The following OPCML variants were observed in gnomAD, a reference collection of about 807,000 sequenced individuals.
OPCML encodes the protein opioid-binding protein/cell adhesion molecule.
Under a neutral mutation model 37.8 loss-of-function variants are expected in OPCML, and 13 were observed. The ratio of observed to expected loss-of-function variants is 0.34; its 90% CI spans 0.22 to 0.55. The LOEUF (loss-of-function observed/expected upper bound fraction) is 0.55, where lower values mean the gene tolerates loss of function less well. Ranked by LOEUF, OPCML falls within the 20% of genes least tolerant of loss-of-function variation. The pLI is 0.91. For synonymous variants in OPCML, 176 were observed against 168.8 expected (o/e 1.04, Z -0.33); for missense variants, 341 against 435.6 (o/e 0.78, Z 1.93).
At chr11:133,283,749 G>GC (rs1942224187) in intron 1 of OPCML, among the ~76,000 whole-genome samples, 1 of 152,102 alleles carries the variant, frequency 6.6e-6, no homozygotes, top group Non-Finnish European at 1.5e-5. Context: ...GGGGGAATAG[G>GC]CCCCGGTATA....
chr11:133,240,722 C>T (rs887399902), intron 1 of OPCML, among the ~76,000 whole-genome samples: 1 of 152,218 alleles, frequency 6.6e-6, no homozygotes, highest in Non-Finnish European at 1.5e-5. Context: ...CAATCGCCTC[C>T]ATCATAAGTC....
intron 4 of OPCML, among the ~76,000 whole-genome samples, chr11:132,495,288 A>G (rs1186415935): frequency 1.3e-5 from 2 of 152,208 alleles, no homozygotes; most frequent in African/African-American, 4.8e-5. Flanking sequence ...AAACTGTAAT[A>G]AGACAACTAC....
At chr11:132,825,664 CTAAT>C (rs1940269577) in intron 2 of OPCML, among the ~76,000 whole-genome samples, 1 of 152,192 alleles carries the variant, frequency 6.6e-6, no homozygotes, top group Admixed American at 6.5e-5. Context: ...AAATACAACT[CTAAT>C]TAAACAAATT....
intron 1 of OPCML, among the ~76,000 whole-genome samples, chr11:133,252,390 C>T (rs921402285): frequency 2.0e-5 from 3 of 152,102 alleles, no homozygotes; most frequent in African/African-American, 7.2e-5. Context: ...TCACATTTTC[C>T]TCCCCTTATA....
At chr11:132,544,728 C>G (rs914261202) in intron 3 of OPCML, among the ~76,000 whole-genome samples, 1 of 152,142 alleles carries the variant, frequency 6.6e-6, no homozygotes, top group Non-Finnish European at 1.5e-5. Flanking sequence ...AAAACCTCTT[C>G]GCTGGCCTTC....
chr11:132,682,622 A>C (rs1245578349), intron 2 of OPCML, among the ~76,000 whole-genome samples: 1 of 152,226 alleles, frequency 6.6e-6, no homozygotes, highest in Non-Finnish European at 1.5e-5. Flanking sequence ...AGGGCAATAA[A>C]GAGGCGATAA....
intron 4 of OPCML, among the ~76,000 whole-genome samples, chr11:132,499,436 T>C (rs2096241102): frequency 6.6e-6 from 1 of 152,156 alleles, no homozygotes; most frequent in African/African-American, 2.4e-5. Context: ...TTGTTAGGCC[T>C]GGCACAATAT....
chr11:132,522,024 T>G (rs1334897645), intron 4 of OPCML, among the ~76,000 whole-genome samples: 1 of 152,216 alleles, frequency 6.6e-6, no homozygotes, highest in Non-Finnish European at 1.5e-5. Context: ...GCTGGCCTGT[T>G]GTGCATATTT....
At chr11:133,158,120 C>T (rs1162854594) in intron 1 of OPCML, among the ~76,000 whole-genome samples, 1 of 152,174 alleles carries the variant, frequency 6.6e-6, no homozygotes, top group Non-Finnish European at 1.5e-5. Context: ...CCAGCAGTGG[C>T]AGGTGCTTGG....
intron 1 of OPCML, among the ~76,000 whole-genome samples, chr11:133,081,286 G>T: frequency 6.6e-6 from 1 of 152,016 alleles, no homozygotes; most frequent in East Asian, 1.9e-4. Context: ...TGTCAGCCCC[G>T]TTGGTACCAC....
chr11:132,705,392 A>C (rs1943992308), intron 2 of OPCML, among the ~76,000 whole-genome samples: 1 of 151,946 alleles, frequency 6.6e-6, no homozygotes, highest in Admixed American at 6.6e-5. Context: ...GGAGTTCAAG[A>C]CCAGTCTGGG....
At chr11:133,097,506 A>C (rs1949020779) in intron 1 of OPCML, among the ~76,000 whole-genome samples, 1 of 152,210 alleles carries the variant, frequency 6.6e-6, no homozygotes, top group Non-Finnish European at 1.5e-5. Context: ...AGAAGAAAAT[A>C]AATAGTACAA....
In OPCML at chr11:132,651,567, A is replaced by G. The variant is rs562479145; in HGVS notation, c.379+5520T>C. ...CTCCATTTCCTTATTTGTAAACATG[A>G]CTAGGGTGGATATTCTGTAGAGTGG... On this transcript the variant is annotated intron_variant, in intron 3 of 7. Transcript: ENST00000524381. Among the ~76,000 whole-genome samples the G allele has an allele frequency of 1.1e-4, 16 of 152,284 alleles. No individual in the cohort carries two copies. The South Asian group carries it at 1.5e-3, about 14-fold the overall frequency.
intron 1 of OPCML, among the ~76,000 whole-genome samples, chr11:133,492,311 T>C (rs1454466259): frequency 6.6e-6 from 1 of 152,216 alleles, no homozygotes; most frequent in Non-Finnish European, 1.5e-5. Context: ...TCCTACTGAA[T>C]GCTGGCCTCA....
intron 1 of OPCML, among the ~76,000 whole-genome samples, chr11:133,359,802 G>A (rs114254612): frequency 1.4e-3 from 209 of 152,260 alleles, no homozygotes; most frequent in African/African-American, 4.6e-3. Flanking sequence ...GGTATTTAGC[G>A]TATTAGTTGC....
chr11:132,751,585 T>G (rs2136070222), intron 2 of OPCML, among the ~76,000 whole-genome samples: 1 of 152,354 alleles, frequency 6.6e-6, no homozygotes, highest in South Asian at 2.1e-4. Flanking sequence ...ACATCAGTGA[T>G]CTCATGTAAT....
chr11:132,928,163 G>A lies in OPCML; in HGVS notation c.146+14763C>T, dbSNP rs944686760. Among the ~76,000 whole-genome samples, 17 of 151,970 alleles carry A rather than the reference G, an allele frequency of 1.1e-4. No individual in the cohort carries two copies. In the East Asian group the frequency reaches 1.5e-3, roughly 14 times the overall value. On this transcript the variant is annotated intron_variant, in intron 2 of 7. Transcript: ENST00000524381. ...TACTTTAAATGTAAATGGATTAAAC[G>A]GCACAATCTAAAAACACAGATTGGC...
At chr11:132,781,755 C>T (rs1407352540) in intron 2 of OPCML, among the ~76,000 whole-genome samples, 1 of 151,348 alleles carries the variant, frequency 6.6e-6, no homozygotes, top group Non-Finnish European at 1.5e-5. Flanking sequence ...GAAGAGAAGG[C>T]ATTTGAGACA....
At chr11:133,332,661 CTT>C (rs1943647837) in intron 1 of OPCML, among the ~76,000 whole-genome samples, 1 of 152,070 alleles carries the variant, frequency 6.6e-6, no homozygotes, top group Non-Finnish European at 1.5e-5. Context: ...AAGTTAAAAA[CTT>C]TATGTTAAAA....
Sources: allele counts gnomAD v4.1 joint callset (sites outside exome capture counted in the v4.1 genomes callset), GRCh38; gene constraint gnomAD v4.1.1; transcripts MANE v1.5; gene names NCBI Gene and HGNC (gene_info 2026-07-23, HGNC 2026-07-21).